Variants in PRDM5 observed in about 807,000 individuals in gnomAD.
PRDM5 encodes the protein PR/SET domain 5.
In PRDM5, 56 loss-of-function variants were observed where a neutral mutation model predicts 81.2. The ratio of observed to expected loss-of-function variants is 0.69; its 90% CI spans 0.56 to 0.86. The LOEUF (loss-of-function observed/expected upper bound fraction) is 0.86, where lower values mean the gene tolerates loss of function less well. PRDM5 is among the 40% of genes least tolerant of loss of function. PRDM5 has a pLI of 0.00. For synonymous variants in PRDM5, 267 were observed against 256.4 expected, an observed-to-expected ratio of 1.04 and a Z score of -0.39; for missense variants, 697 against 770.1, an observed-to-expected ratio of 0.91 and a Z score of 1.12.
At chr4:120,750,809 A>G (rs539753171) in intron 14 of PRDM5, among the ~76,000 whole-genome samples, 3 of 152,266 alleles carry the variant, frequency 2.0e-5, no homozygotes, top group African/African-American at 7.2e-5. Context: ...AAGAGATAGA[A>G]TAGTCAAAAC....
intron 2 of PRDM5, 23 bp from the exon 3 acceptor site, chr4:120,853,563 G>A (rs777007735): frequency 1.9e-6 from 3 of 1,613,370 alleles, no homozygotes; most frequent in Middle Eastern, 3.3e-4. Context: ...AGGCTCCTGA[G>A]TTTACAATGG....
intron 14 of PRDM5, among the ~76,000 whole-genome samples, chr4:120,739,263 G>A (rs1256378572): frequency 6.6e-6 from 1 of 152,180 alleles, no homozygotes; most frequent in Admixed American, 6.5e-5. Flanking sequence ...ATTGTGCCCA[G>A]CTTAGATTCA....
intron 2 of PRDM5, among the ~76,000 whole-genome samples, chr4:120,872,279 C>A (rs1761913286): frequency 1.3e-5 from 2 of 151,152 alleles, no homozygotes; most frequent in African/African-American, 4.9e-5. Context: ...TCACAATAAC[C>A]AAGAGGGAGA....
intron 13 of PRDM5, among the ~76,000 whole-genome samples, chr4:120,758,487 A>C (rs946603902): frequency 6.6e-5 from 10 of 152,144 alleles, no homozygotes; most frequent in Non-Finnish European, 4.4e-5. Context: ...TGTCCTCATA[A>C]AAAGATGGCC....
intron 3 of PRDM5, among the ~76,000 whole-genome samples, chr4:120,844,555 A>AGTTTAGGTT (rs1194805861): frequency 1.3e-5 from 2 of 152,196 alleles, no homozygotes; most frequent in African/African-American, 4.8e-5. Context: ...ACCATAAACC[A>AGTTTAGGTT]TACGTATATA....
At chr4:120,821,382 T>C (rs546686076) in intron 3 of PRDM5, 37 bp from the exon 4 acceptor site, 64 of 1,555,698 alleles carry the variant, frequency 4.1e-5, no homozygotes, top group African/African-American at 3.3e-4. Context: ...ACCATTCATT[T>C]GTTTCTGATA....
intron 14 of PRDM5, among the ~76,000 whole-genome samples, chr4:120,739,156 T>C (rs538449056): frequency 6.6e-6 from 1 of 152,264 alleles, no homozygotes; most frequent in South Asian, 2.1e-4. Flanking sequence ...TGGTGATTGG[T>C]CCCAAGAGAT....
intron 2 of PRDM5, among the ~76,000 whole-genome samples, chr4:120,889,277 T>C (rs899660304): frequency 6.6e-6 from 1 of 152,190 alleles, no homozygotes; most frequent in African/African-American, 2.4e-5. Flanking sequence ...ATACTATTTT[T>C]CCATGAGGAT....
At chr4:120,814,795 T>C (rs1754275617) in intron 7 of PRDM5, among the ~76,000 whole-genome samples, 1 of 152,208 alleles carries the variant, frequency 6.6e-6, no homozygotes, top group Non-Finnish European at 1.5e-5. Context: ...AATGAGAGAA[T>C]GACATCATGT....
chr4:120,723,659 A>G (rs843574), intron 14 of PRDM5, among the ~76,000 whole-genome samples: 71,431 of 151,904 alleles, frequency 0.47, 17,484 homozygotes, highest in East Asian at 0.67. Context: ...GATAAAAAAT[A>G]TAGAAGATAT....
intron 2 of PRDM5, among the ~76,000 whole-genome samples, chr4:120,883,785 ATTAC>A (rs1763105984): frequency 6.6e-6 from 1 of 152,302 alleles, no homozygotes; most frequent in Admixed American, 6.5e-5. Context: ...TGTTTAGAAG[ATTAC>A]TTAGAGAATC....
intron 15 of PRDM5, 69 bp downstream of exon 15, chr4:120,710,230 CACACACACAT>C: frequency 2.5e-6 from 3 of 1,197,270 alleles, no homozygotes; most frequent in Non-Finnish European, 3.7e-6. Context: ...GACACACACA[CACACACACAT>C]ACACACACAC....
chr4:120,744,138 G>T (rs1037513537), intron 14 of PRDM5, among the ~76,000 whole-genome samples: 2 of 151,974 alleles, frequency 1.3e-5, no homozygotes, highest in African/African-American at 2.4e-5. Flanking sequence ...ACTCAAAACC[G>T]CTCAACTACA....
chr4:120,880,500 T>G (rs756315833), intron 2 of PRDM5, among the ~76,000 whole-genome samples: 1 of 152,152 alleles, frequency 6.6e-6, no homozygotes, highest in Non-Finnish European at 1.5e-5. Flanking sequence ...TAAACCAATA[T>G]ATTCACAATA....
chr4:120,903,748 G>A (rs1408116149), intron 2 of PRDM5, among the ~76,000 whole-genome samples: 2 of 152,166 alleles, frequency 1.3e-5, no homozygotes, highest in African/African-American at 4.8e-5. Context: ...TAGTGAATAA[G>A]TTTTACAAGG....
intron 14 of PRDM5, among the ~76,000 whole-genome samples, chr4:120,747,899 A>C (rs937353334): frequency 2.0e-5 from 3 of 152,194 alleles, no homozygotes; most frequent in Admixed American, 6.5e-5. Flanking sequence ...TTCTGAAATA[A>C]CTTTCTAATT....
chr4:120,818,584 TCA>T lies in PRDM5; in HGVS notation c.476-59_476-58del, dbSNP rs1226930544. The T allele has an allele frequency of 1.3e-5, 18 of 1,433,530 alleles. No individual in the cohort carries two copies. In the South Asian group the frequency reaches 2.0e-4, roughly 16 times the overall value. The allele number at this position is 1,433,530 out of a possible 1,614,324, so 88.8% of individuals were successfully genotyped here. A position where few individuals can be genotyped will look rare whatever the true frequency, so the allele number is the denominator to read the frequency against. ...ACAAAAATTCAGAGCCAAGAAATGCTCAGTTTTGCTCTCATTTTAAATTAATT... is the reference window on the plus strand; with the variant it reads ...ACAAAAATTCAGAGCCAAGAAATGCTGTTTTGCTCTCATTTTAAATTAATT... On this transcript the variant is annotated intron_variant, in intron 4 of 15. Transcript: ENST00000264808.
chr4:120,873,195 G>A (rs946950558), intron 2 of PRDM5, among the ~76,000 whole-genome samples: 2 of 152,030 alleles, frequency 1.3e-5, no homozygotes, highest in Admixed American at 1.3e-4. Flanking sequence ...GTAGAGGCAG[G>A]ATTTCACCAT....
chr4:120,843,047 G>C (rs1758205484), intron 3 of PRDM5, among the ~76,000 whole-genome samples: 1 of 152,168 alleles, frequency 6.6e-6, no homozygotes, highest in Non-Finnish European at 1.5e-5. Context: ...GAAACAATCA[G>C]TCAGCTGGGC....
Sources: gnomAD v4.1 joint callset for allele counts (sites outside exome capture counted in the v4.1 genomes callset) on GRCh38, gnomAD v4.1.1 for gene constraint, MANE v1.5 for transcripts, NCBI Gene and HGNC (gene_info 2026-07-23, HGNC 2026-07-21) for gene names.